Variants in MYH7B observed in about 807,000 individuals in gnomAD.
The protein encoded by MYH7B is myosin heavy chain 7B.
In MYH7B, 205 loss-of-function variants were observed where a neutral mutation model predicts 234.5. The ratio of observed to expected loss-of-function variants is 0.87; its 90% CI spans 0.78 to 0.98. The LOEUF (loss-of-function observed/expected upper bound fraction) is 0.98, where lower values mean the gene tolerates loss of function less well. Ranked by LOEUF, MYH7B falls within the 50% of genes least tolerant of loss-of-function variation. The pLI is 0.00. For missense variants in MYH7B, 2,652 were observed against 2,633.4 expected (o/e 1.01, Z -0.15); for synonymous variants, 1,193 against 1,105.0 (o/e 1.08, Z -1.58).
intron 2 of MYH7B, among the ~76,000 whole-genome samples, chr20:34,974,329 G>A (rs1019191544): frequency 2.0e-5 from 3 of 149,604 alleles, no homozygotes; most frequent in East Asian, 4.0e-4. Flanking sequence ...CTCAGCCTCC[G>A]AAAGTGCTGG....
chr20:34,973,508 C>T lies in MYH7B; in HGVS notation c.-221-1892C>T, dbSNP rs376913658. ...TCCTGGAGTCTCGCTCTCCTGAAAT[C>T]GGAACGAACTTCAAAGGTCATCCAG... On this transcript the variant is annotated intron_variant, in intron 2 of 44. Transcript: ENST00000262873. Among the ~76,000 whole-genome samples, 140 of 152,312 alleles carry T rather than the reference C, an allele frequency of 9.2e-4. 1 individual carries two copies. The highest frequency in any genetic ancestry group is 3.2e-3 in the African/African-American group (135 of 41,562).
chr20:34,994,814 G>A (rs2082222351), intron 27 of MYH7B, among the ~76,000 whole-genome samples: 2 of 152,258 alleles, frequency 1.3e-5, no homozygotes, highest in Admixed American at 1.3e-4. Flanking sequence ...TTCGGCACAT[G>A]GCTTTGTGTA....
chr20:34,964,470 G>A (rs2081725078), intron 2 of MYH7B, among the ~76,000 whole-genome samples: 1 of 152,154 alleles, frequency 6.6e-6, no homozygotes, highest in East Asian at 1.9e-4. Context: ...GAATGTTGGG[G>A]GCAGGCTGAC....
chr20:34,991,872 A>AG (rs1222866789), intron 24 of MYH7B, among the ~76,000 whole-genome samples: 1 of 152,226 alleles, frequency 6.6e-6, no homozygotes, highest in Non-Finnish European at 1.5e-5. Flanking sequence ...TCTGGCCTGG[A>AG]GATCGTTCCT....
chr20:34,985,261 C>T (rs1204279650), intron 13 of MYH7B, 132 bp downstream of exon 13: 5 of 779,202 alleles, frequency 6.4e-6, no homozygotes, highest in Non-Finnish European at 1.1e-5. Flanking sequence ...GGCTGCTGCC[C>T]AGCTCAGGCC....
exon 36 of MYH7B, chr20:34,999,167 T>C: frequency 1.2e-6 from 2 of 1,613,692 alleles, no homozygotes; most frequent in Non-Finnish European, 1.7e-6. Flanking sequence ...AGTCAGAGGA[T>C]GTAACCCTGG....
Position 34,993,488 on chromosome 20 carries a change from G to T in MYH7B, c.2444+18G>T. 6.4e-7 allele frequency: 1 copy of T among 1,568,874 alleles called. No individual in the cohort carries two copies. The highest frequency in any genetic ancestry group is 8.6e-7 in the Non-Finnish European group (1 of 1,163,406). ...GGAGGCAGGTGGGTGTGGGAAGGAG[G>T]CTGGGGACAGGGTGTGTCCCCTGCC... On this transcript the variant is annotated intron_variant, in intron 26 of 44. Coordinates refer to ENST00000262873, the Ensembl canonical transcript of MYH7B.
At chr20:34,988,585 T>C (rs933727458) in intron 19 of MYH7B, among the ~76,000 whole-genome samples, 1 of 152,056 alleles carries the variant, frequency 6.6e-6, no homozygotes, top group African/African-American at 2.4e-5. Flanking sequence ...AAGGCCCTAT[T>C]TGCAGCCACA....
Position 35,001,510 on chromosome 20 carries a change from G to GC in MYH7B, c.5662dup (p.Gln1888ProfsTer3). On this transcript the variant is annotated frameshift_variant, in exon 43 of 45. Coordinates refer to ENST00000262873, the Ensembl canonical transcript of MYH7B. LOFTEE classifies it high-confidence loss of function. ...CAGAGCAAGGTCAAGAGCTACAAGC[G>GC]CCAGTTTGAGGAGGCGGTGAGTGCG... The GC allele has an allele frequency of 8.7e-6, 14 of 1,608,614 alleles. No individual in the cohort carries two copies. The highest frequency in any genetic ancestry group is 1.2e-5 in the Non-Finnish European group (14 of 1,177,618).
In MYH7B at chr20:34,987,748, C is replaced by T; in HGVS notation, c.1267-17C>T. The T allele has an allele frequency of 6.2e-7, 1 of 1,614,010 alleles. No individual in the cohort carries two copies. The highest frequency in any genetic ancestry group is 8.5e-7 in the Non-Finnish European group (1 of 1,179,932). ...CCCTCCTTGCCAGGTCCCAGCCCAGCCTCCCTGCACCTCCAGGTGGTGTTT... is the reference window on the plus strand; with the variant it reads ...CCCTCCTTGCCAGGTCCCAGCCCAGTCTCCCTGCACCTCCAGGTGGTGTTT... On this transcript the variant is annotated splice_polypyrimidine_tract_variant and intron_variant, in intron 17 of 44. Coordinates refer to ENST00000262873, the Ensembl canonical transcript of MYH7B.
At chr20:34,999,575 G>C in exon 37 of MYH7B, 1 of 1,606,184 alleles carries the variant, frequency 6.2e-7, no homozygotes, top group Non-Finnish European at 8.5e-7. Context: ...CTGCAGAGGA[G>C]ATCAGCGACC....
chr20:34,977,407 C>T (rs1366377394), intron 3 of MYH7B, among the ~76,000 whole-genome samples: 1 of 152,128 alleles, frequency 6.6e-6, no homozygotes, highest in Non-Finnish European at 1.5e-5. Flanking sequence ...GAACCTCTTA[C>T]TGCCTTGTCC....
Position 34,995,395 on chromosome 20 carries a change from G to A in MYH7B, c.2760G>A (p.Val920=), listed in dbSNP as rs1267917471. The A allele has an allele frequency of 4.3e-6, 7 of 1,613,938 alleles. No individual in the cohort carries two copies. The Admixed American group carries it at 5.0e-5, about 12-fold the overall frequency. The change falls in exon 28 of 45, where the codon GTG becomes GTA. Residue 920 remains valine, a synonymous_variant. Coordinates refer to ENST00000262873, the Ensembl canonical transcript of MYH7B. Reference sequence around the variant, plus strand: ...GCCACTTGCTGATCAAGTCCAAGGTGCAGCTGGAGGGGAAGGTGAAGGAGC... The same window carrying A: ...GCCACTTGCTGATCAAGTCCAAGGTACAGCTGGAGGGGAAGGTGAAGGAGC...
chr20:34,963,844 T>C (rs2081719998), intron 2 of MYH7B, among the ~76,000 whole-genome samples: 1 of 152,204 alleles, frequency 6.6e-6, no homozygotes, highest in African/African-American at 2.4e-5. Context: ...ATTTGCACTT[T>C]TAAGTGGTAA....
At chr20:34,997,699 C>G in intron 32 of MYH7B, 59 bp downstream of exon 32, 1 of 1,588,910 alleles carries the variant, frequency 6.3e-7, no homozygotes, top group Non-Finnish European at 8.6e-7. Flanking sequence ...CCGATCCCAG[C>G]AGCCAATACT....
At chr20:34,977,738 G>GGGGGGGGGGGGGGGGGGGGGGGCCCC in intron 4 of MYH7B, 58 bp downstream of exon 4, 3 of 317,142 alleles carry the variant, frequency 9.5e-6, no homozygotes, top group Non-Finnish European at 1.2e-5. Flanking sequence ...GGGCGGGTGG[G>GGGGGGGGGGGGGGGGGGGGGGGCCCC]TGAGGGTGCC....
chr20:34,986,935 G>A (rs545640317), exon 15 of MYH7B: 17 of 1,614,122 alleles, frequency 1.1e-5, no homozygotes, highest in Non-Finnish European at 1.4e-5. Flanking sequence ...TCTGCAGCCA[G>A]GGCGTCATCA....
intron 2 of MYH7B, among the ~76,000 whole-genome samples, chr20:34,969,905 G>A (rs1417129160): frequency 6.6e-6 from 1 of 151,526 alleles, no homozygotes; most frequent in Non-Finnish European, 1.5e-5. Context: ...ATGACATATT[G>A]AGTCTCCACT....
At chr20:34,975,125 A>G (rs2081835935) in intron 2 of MYH7B, among the ~76,000 whole-genome samples, 3 of 152,234 alleles carry the variant, frequency 2.0e-5, no homozygotes, top group African/African-American at 7.2e-5. Context: ...AAAATAAAAA[A>G]GAAGTCAGTA....
Sources: allele counts gnomAD v4.1 joint callset (sites outside exome capture counted in the v4.1 genomes callset), GRCh38; gene constraint gnomAD v4.1.1; transcripts MANE v1.5; gene names NCBI Gene and HGNC (gene_info 2026-07-23, HGNC 2026-07-21).